Variants in SLC24A4 observed in about 807,000 individuals in gnomAD.
The protein encoded by SLC24A4 is sodium/potassium/calcium exchanger 4.
Under a neutral mutation model 79.0 loss-of-function variants are expected in SLC24A4, and 53 were observed. That is an observed-to-expected ratio of 0.67 (90% CI 0.54 to 0.84). The LOEUF is 0.84. Ranked by LOEUF, SLC24A4 falls within the 40% of genes least tolerant of loss-of-function variation. The pLI is 0.00. For synonymous variants in SLC24A4, 323 were observed against 323.8 expected (o/e 1.00, Z 0.03); for missense variants, 731 against 822.0 (o/e 0.89, Z 1.35).
At chr14:92,404,920 T>C (rs1481166881) in intron 2 of SLC24A4, among the ~76,000 whole-genome samples, 1 of 152,062 alleles carries the variant, frequency 6.6e-6, no homozygotes, top group Non-Finnish European at 1.5e-5. Context: ...AAATACCTAC[T>C]AGGTGAAAAT....
At chr14:92,337,020 G>A (rs868322040) in intron 2 of SLC24A4, among the ~76,000 whole-genome samples, 2 of 152,268 alleles carry the variant, frequency 1.3e-5, no homozygotes, top group Admixed American at 6.5e-5. Flanking sequence ...ACAATAGTAA[G>A]TAATTAGGCT....
At chr14:92,438,747 C>A (rs1254116380) in intron 3 of SLC24A4, among the ~76,000 whole-genome samples, 1 of 152,218 alleles carries the variant, frequency 6.6e-6, no homozygotes, top group East Asian at 1.9e-4. Context: ...CAGGGAAACT[C>A]CTTAAGCTCT....
chr14:92,446,672 A>C (rs10148376), intron 8 of SLC24A4, among the ~76,000 whole-genome samples: 1 of 152,232 alleles, frequency 6.6e-6, no homozygotes, highest in African/African-American at 2.4e-5. Flanking sequence ...AAGAGCTCCC[A>C]AAACAACTGT....
At chr14:92,471,576 A>G (rs1459312467) in intron 12 of SLC24A4, among the ~76,000 whole-genome samples, 1 of 152,194 alleles carries the variant, frequency 6.6e-6, no homozygotes, top group Non-Finnish European at 1.5e-5. Flanking sequence ...CACCCAACCC[A>G]GGGCCTATGT....
intron 1 of SLC24A4, among the ~76,000 whole-genome samples, chr14:92,324,309 C>T (rs774756015): frequency 2.6e-5 from 4 of 152,206 alleles, no homozygotes; most frequent in African/African-American, 4.8e-5. Context: ...CTGGGGTGGG[C>T]GAAACTGAGT....
intron 1 of SLC24A4, among the ~76,000 whole-genome samples, chr14:92,324,189 A>G (rs1186083118): frequency 2.6e-5 from 4 of 152,120 alleles, no homozygotes; most frequent in Non-Finnish European, 5.9e-5. Context: ...GGGGCTCAGG[A>G]CGCGGCTGCA....
rs74073087 is a variant in SLC24A4 at position 92,456,261 on chromosome 14, G to T, written c.1051-143G>T. ...CATAGAAGGATTCCAAGGTCCTGGG[G>T]CTGATTCTCAGGCAAACCTGTCCCC... is the stretch of plus-strand genomic sequence containing the variant. On this transcript the variant is annotated intron_variant, in intron 11 of 16. Transcript: ENST00000532405. 974 of 723,384 alleles carry T rather than the reference G, an allele frequency of 1.3e-3. 11 individuals carry two copies. In the African/African-American group the frequency reaches 0.016, roughly 12 times the overall value. 44.8% of individuals were successfully genotyped at this position (723,384 alleles called of 1,614,324 possible).
At chr14:92,480,695 A>T (rs1312845931) in intron 12 of SLC24A4, among the ~76,000 whole-genome samples, 3 of 152,080 alleles carry the variant, frequency 2.0e-5, no homozygotes, top group Admixed American at 6.5e-5. Context: ...GATTCATCTC[A>T]AAGTATTTTC....
chr14:92,380,244 T>A lies in SLC24A4; in HGVS notation c.242-53668T>A, dbSNP rs994591005. On this transcript the variant is annotated intron_variant, in intron 2 of 16. Transcript: ENST00000532405. ...CACGTTCCCTTGGAGCCCTCTGTCC[T>A]CATTAAACAGAGAACCACGAGGGGA... Among the ~76,000 whole-genome samples, 7 of 152,338 alleles carry A rather than the reference T, an allele frequency of 4.6e-5. No individual in the cohort carries two copies. In the South Asian group the frequency reaches 1.5e-3, roughly 32 times the overall value.
intron 2 of SLC24A4, among the ~76,000 whole-genome samples, chr14:92,431,108 T>C (rs1891846750): frequency 6.6e-6 from 1 of 152,242 alleles, no homozygotes; most frequent in South Asian, 2.1e-4. Context: ...TGTCTTGCTC[T>C]TTCTCTCTTT....
intron 2 of SLC24A4, among the ~76,000 whole-genome samples, chr14:92,385,171 G>A (rs1043049301): frequency 6.6e-6 from 1 of 152,212 alleles, no homozygotes; most frequent in Non-Finnish European, 1.5e-5. Flanking sequence ...CCTCTGCTAA[G>A]ACACAGTGCC....
In SLC24A4 at chr14:92,458,747, G is replaced by A. The variant is rs79764728; in HGVS notation, c.1255+2139G>A. 6.1e-4 allele frequency among the ~76,000 whole-genome samples: 93 copies of A among 152,258 alleles called. 1 individual carries two copies. In the East Asian group the frequency reaches 0.013, roughly 21 times the overall value. ...CCACCCCTTACAGCCCCAAGTTATC[G>A]CACCCCCAGCTCACTTTCCCTCCTG... On this transcript the variant is annotated intron_variant, in intron 12 of 16. Coordinates refer to ENST00000532405, the MANE Select transcript of SLC24A4 (RefSeq NM_153646.4).
At chr14:92,444,787 G>A (rs191246330) in intron 7 of SLC24A4, among the ~76,000 whole-genome samples, 5 of 152,148 alleles carry the variant, frequency 3.3e-5, no homozygotes, top group African/African-American at 7.2e-5. Flanking sequence ...CCTGGGAGAC[G>A]GAGGTTGCAG....
intron 2 of SLC24A4, among the ~76,000 whole-genome samples, chr14:92,412,613 T>TC (rs1184489248): frequency 6.6e-6 from 1 of 151,854 alleles, no homozygotes; most frequent in Non-Finnish European, 1.5e-5. Flanking sequence ...CATGCCCTCA[T>TC]CCCCCTCGCT....
chr14:92,373,817 G>A (rs1888342866), intron 2 of SLC24A4, among the ~76,000 whole-genome samples: 1 of 152,148 alleles, frequency 6.6e-6, no homozygotes, highest in South Asian at 2.1e-4. Flanking sequence ...TTCCAAACAA[G>A]TATAAAATTA....
chr14:92,379,287 A>G (rs61975600), intron 2 of SLC24A4, among the ~76,000 whole-genome samples: 10,174 of 152,102 alleles, frequency 0.067, 466 homozygotes, highest in Non-Finnish European at 0.093. Context: ...CTGTGAAAGG[A>G]AGGTGCTTTC....
In SLC24A4 at chr14:92,465,726, G is replaced by A. The variant is rs571612856; in HGVS notation, c.1255+9118G>A. ...GTGAGAAGGAGACCAAGCCAAGGCT[G>A]CCTCCCCTAGGAAGGCCCCCTCCCG... On this transcript the variant is annotated intron_variant, in intron 12 of 16. Transcript: ENST00000532405. 7.8e-4 allele frequency among the ~76,000 whole-genome samples: 118 copies of A among 152,136 alleles called. 1 individual carries two copies. The highest frequency in any genetic ancestry group is 2.8e-3 in the African/African-American group (118 of 41,504).
At position 92,399,999 on chromosome 14, in the gene SLC24A4, C is replaced by T. The variant is rs147765663; in HGVS notation, c.242-33913C>T. Among the ~76,000 whole-genome samples the T allele has an allele frequency of 8.3e-3, 1,267 of 152,210 alleles. 12 individuals are homozygous for T. The highest frequency in any genetic ancestry group is 0.02 in the Middle Eastern group (6 of 294). Reference sequence around the variant, plus strand: ...CGACTTTCTGGACTCAGGCAATCCTCCCACCTCAGCCTCCCAAAGTGCTGA... The same window carrying T: ...CGACTTTCTGGACTCAGGCAATCCTTCCACCTCAGCCTCCCAAAGTGCTGA... On this transcript the variant is annotated intron_variant, in intron 2 of 16. Transcript: ENST00000532405.
chr14:92,464,654 C>T (rs756324560), intron 12 of SLC24A4, among the ~76,000 whole-genome samples: 1 of 152,150 alleles, frequency 6.6e-6, no homozygotes, highest in African/African-American at 2.4e-5. Flanking sequence ...CTTTTCAAAT[C>T]AGAGACCTAA....
Sources: allele counts gnomAD v4.1 joint callset (sites outside exome capture counted in the v4.1 genomes callset), GRCh38; gene constraint gnomAD v4.1.1; transcripts MANE v1.5; gene names NCBI Gene and HGNC (gene_info 2026-07-23, HGNC 2026-07-21).